KLHDC2: variants seen among roughly 807,000 people sequenced by gnomAD.
KLHDC2 encodes the protein kelch domain containing 2.
Under a neutral mutation model 62.3 loss-of-function variants are expected in KLHDC2, and 38 were observed. The observed-to-expected ratio is 0.61, with a 90% CI of 0.47 to 0.80. The LOEUF (loss-of-function observed/expected upper bound fraction) is 0.80, where lower values mean the gene tolerates loss of function less well. Among genes scored for constraint, KLHDC2 ranks in the 30% least tolerant of loss-of-function variants. KLHDC2 has a pLI of 0.00. For missense variants in KLHDC2, 430 were observed against 495.3 expected (o/e 0.87, Z 1.25); for synonymous variants, 159 against 161.0 (o/e 0.99, Z 0.09).
chr14:49,778,507 A>T lies in KLHDC2; in HGVS notation c.633+13A>T. 1 of 1,128,358 alleles carries T rather than the reference A, an allele frequency of 8.9e-7. No individual in the cohort carries two copies. Among genetic ancestry groups the T allele is most frequent in the Non-Finnish European group, 1.3e-6 (1 of 788,800 alleles). The allele number at this position is 1,128,358 out of a possible 1,614,324, so 69.9% of individuals were successfully genotyped here. On this transcript the variant is annotated intron_variant, in intron 6 of 12. Transcript: ENST00000298307. ...GCCTATAACTACTGTGAGTTACTAAAGAATAATGAATTGTTAAGGATACTT... is the reference window on the plus strand; with the variant it reads ...GCCTATAACTACTGTGAGTTACTAATGAATAATGAATTGTTAAGGATACTT...
intron 10 of KLHDC2, 52 bp downstream of exon 10, chr14:49,780,827 G>C (rs1216597791): frequency 4.1e-6 from 4 of 977,102 alleles, no homozygotes; most frequent in South Asian, 2.6e-5. Flanking sequence ...AAGAATTGAG[G>C]TTTTGGCTGC....
Position 49,785,273 on chromosome 14 carries a change from T to C in KLHDC2, c.*2320T>C. 6.2e-7 allele frequency: 1 copy of C among 1,614,042 alleles called. No homozygotes were observed. Among genetic ancestry groups the C allele is most frequent in the Non-Finnish European group, 8.5e-7 (1 of 1,179,930 alleles). ...CACATATTGGAATGGCAAACAGTAG[T>C]ACATCTTCAGGATGTGGCTGGCCTG... On this transcript the variant is annotated 3_prime_UTR_variant, in exon 13 of 13. Coordinates refer to ENST00000298307, the MANE Select transcript of KLHDC2 (RefSeq NM_014315.3).
At position 49,785,533 on chromosome 14, in the gene KLHDC2, A is replaced by G. The variant is rs568134260; in HGVS notation, c.*2580A>G. 291 of 481,870 alleles carry G rather than the reference A, an allele frequency of 6.0e-4. 2 individuals are homozygous for G. The South Asian group carries it at 6.2e-3, about 10-fold the overall frequency. The allele number at this position is 481,870 out of a possible 1,614,324, so 29.8% of individuals were successfully genotyped here. ...ATTCTTTACTACTTAATTTTTGCCT[A>G]GCATAATAAGTAATGAGAACAATAA... On this transcript the variant is annotated 3_prime_UTR_variant, in exon 13 of 13. Transcript: ENST00000298307.
At chr14:49,768,842 G>A (rs1889600453) in intron 1 of KLHDC2, 2 of 506,444 alleles carry the variant, frequency 3.9e-6, no homozygotes, top group Non-Finnish European at 6.9e-6. Context: ...CTGCTGTCAT[G>A]TCACCCTGGT....
In KLHDC2 at chr14:49,783,307, T is replaced by C. The variant is rs1890001392; in HGVS notation, c.*354T>C. The stretch of plus-strand genomic sequence containing the variant: ...TTGAAAACATTATAGATTTTTTTTT[T>C]TTTAATGGCAAGAGTAGTCTATAGT... On this transcript the variant is annotated 3_prime_UTR_variant, in exon 13 of 13. Coordinates refer to ENST00000298307, the MANE Select transcript of KLHDC2 (RefSeq NM_014315.3). The C allele has an allele frequency of 1.3e-5, 2 of 158,908 alleles. 1 individual carries two copies. The highest frequency in any genetic ancestry group is 3.7e-4 in the East Asian group (2 of 5,476). The allele number at this position is 158,908 out of a possible 1,614,324, so 9.8% of individuals were successfully genotyped here.
In KLHDC2 at chr14:49,782,884, C is replaced by A. The variant is rs148198716; in HGVS notation, c.1152C>A (p.Asn384Lys). The change falls in exon 13 of 13, where the codon AAC becomes AAA. Residue 384 changes from asparagine (N) to lysine (K), a missense_variant. Transcript: ENST00000298307. ...AAGAAATGTTAGCCAACTCATGGAACTGCCTTCCAAAACACTTACTTCACA... is the reference window on the plus strand; with the variant it reads ...AAGAAATGTTAGCCAACTCATGGAAATGCCTTCCAAAACACTTACTTCACA... ...CFKEMLANSW[N>K]CLPKHLLHSV... 3.6e-5 allele frequency: 58 copies of A among 1,613,534 alleles called. No homozygotes were observed. Among genetic ancestry groups the A allele is most frequent in the Non-Finnish European group, 4.6e-5 (54 of 1,179,630 alleles).
At chr14:49,770,937 T>G (rs1160864292) in intron 1 of KLHDC2, among the ~76,000 whole-genome samples, 1 of 152,226 alleles carries the variant, frequency 6.6e-6, no homozygotes, top group East Asian at 1.9e-4. Context: ...CGTGTTAGCG[T>G]GGATCAGGCA....
At chr14:49,777,546 T>C (rs1889797783) in intron 3 of KLHDC2, among the ~76,000 whole-genome samples, 1 of 143,438 alleles carries the variant, frequency 7.0e-6, no homozygotes. Flanking sequence ...TAATCTATGA[T>C]TGTGCCACTG....
Position 49,768,612 on chromosome 14 carries a change from C to A in KLHDC2, c.144C>A (p.Gly48=), listed in dbSNP as rs771124386. The A allele has an allele frequency of 6.3e-6, 10 of 1,594,792 alleles. No homozygotes were observed. The highest frequency in any genetic ancestry group is 8.5e-6 in the Non-Finnish European group (10 of 1,171,986). ...VSDGRHMFVW[G]GYKSNQVRGL... ...ACGGGCGCCACATGTTCGTCTGGGG[C>A]GGCTACAAGGTCAGTGAGTGGCCGG... is the stretch of plus-strand genomic sequence containing the variant. Residue 48 remains glycine (G), a synonymous_variant, in exon 1 of 13, where the codon GGC becomes GGA. Coordinates refer to ENST00000298307, the MANE Select transcript of KLHDC2 (RefSeq NM_014315.3).
At chr14:49,770,174 C>T (rs1300554256) in intron 1 of KLHDC2, among the ~76,000 whole-genome samples, 1 of 152,052 alleles carries the variant, frequency 6.6e-6, no homozygotes, top group African/African-American at 2.4e-5. Context: ...TTAAAAGGGC[C>T]TGGATGATTG....
At position 49,782,137 on chromosome 14, in the gene KLHDC2, A is replaced by G. The variant is rs551915839; in HGVS notation, c.957-233A>G. 369 of 491,730 alleles carry G rather than the reference A, an allele frequency of 7.5e-4. 5 individuals carry two copies. In the South Asian group the frequency reaches 0.011, roughly 15 times the overall value. 30.5% of individuals were successfully genotyped at this position (491,730 alleles called of 1,614,324 possible). A position where few individuals can be genotyped will look rare whatever the true frequency, so the allele number is the denominator to read the frequency against. On this transcript the variant is annotated intron_variant, in intron 10 of 12. Transcript: ENST00000298307. ...CCTAGAGAACAGATCGTTCAGTTCA[A>G]ACTCCTCATTGCATAAATGAGAACG...
rs1432321410 is a variant in KLHDC2, at chr14:49,784,433, CT to C, written c.*1484del. 12 of 468,988 alleles carry C rather than the reference CT, an allele frequency of 2.6e-5. No individual in the cohort carries two copies. The highest frequency in any genetic ancestry group is 3.8e-5 in the Non-Finnish European group (10 of 264,934). 29.1% of individuals were successfully genotyped at this position (468,988 alleles called of 1,614,324 possible). On this transcript the variant is annotated 3_prime_UTR_variant, in exon 13 of 13. Coordinates refer to ENST00000298307, the MANE Select transcript of KLHDC2 (RefSeq NM_014315.3). Reference sequence around the variant, plus strand: ...ATTAGCATTTAACTGTCCACAAATACTTTTGGAAATCCTATCATAGACAGTG... The same window carrying C: ...ATTAGCATTTAACTGTCCACAAATACTTTGGAAATCCTATCATAGACAGTG...
intron 3 of KLHDC2, among the ~76,000 whole-genome samples, chr14:49,775,320 C>T (rs867241211): frequency 1.6e-4 from 24 of 152,296 alleles, no homozygotes; most frequent in African/African-American, 4.1e-4. Context: ...ATGTGCTGAG[C>T]ACTTGGCTGG....
intron 2 of KLHDC2, among the ~76,000 whole-genome samples, chr14:49,771,892 G>A (rs764237855): frequency 1.1e-4 from 16 of 152,142 alleles, no homozygotes; most frequent in Non-Finnish European, 2.2e-4. Context: ...TTGGGAGTCC[G>A]AGGTGGGAGA....
chr14:49,785,065 A>G lies in KLHDC2; in HGVS notation c.*2112A>G, dbSNP rs1230953792. On this transcript the variant is annotated 3_prime_UTR_variant, in exon 13 of 13. Coordinates refer to ENST00000298307, the MANE Select transcript of KLHDC2 (RefSeq NM_014315.3). Reference sequence around the variant, plus strand: ...TTAAGTCACTGAACTGTTTAAAATCATAATTCAAAAAAACAAATTTAAATA... The same window carrying G: ...TTAAGTCACTGAACTGTTTAAAATCGTAATTCAAAAAAACAAATTTAAATA... 4.4e-6 allele frequency: 7 copies of G among 1,607,804 alleles called. No homozygotes were observed. The highest frequency in any genetic ancestry group is 6.0e-6 in the Non-Finnish European group (7 of 1,174,746).
rs1370125446 is a variant in KLHDC2, at chr14:49,784,097, ATAAC to A, written c.*1147_*1150del. 6 of 151,392 alleles carry A rather than the reference ATAAC, an allele frequency of 4.0e-5. No homozygotes were observed. The South Asian group carries it at 6.3e-4, about 16-fold the overall frequency. 9.4% of individuals were successfully genotyped at this position (151,392 alleles called of 1,614,324 possible). On this transcript the variant is annotated 3_prime_UTR_variant, in exon 13 of 13. Transcript: ENST00000298307. ...CTCCCAAATTTCAAGAAAATGTAGA[ATAAC>A]TACAGATGTATATAATTAGCATTTA...
intron 3 of KLHDC2, 56 bp from the exon 4 acceptor site, chr14:49,777,783 T>A (rs1889803752): frequency 2.1e-6 from 2 of 931,442 alleles, no homozygotes; most frequent in Non-Finnish European, 3.3e-6. Flanking sequence ...AATTAAATGC[T>A]AAACTTGAAT....
intron 9 of KLHDC2, 41 bp from the exon 10 acceptor site, chr14:49,780,662 T>C: frequency 1.6e-6 from 2 of 1,258,550 alleles, no homozygotes; most frequent in African/African-American, 2.9e-5. Context: ...GTCAATGTCA[T>C]ATTGACAGAC....
At position 49,784,769 on chromosome 14, in the gene KLHDC2, T is replaced by C; in HGVS notation, c.*1816T>C. On this transcript the variant is annotated 3_prime_UTR_variant, in exon 13 of 13. Coordinates refer to ENST00000298307, the MANE Select transcript of KLHDC2 (RefSeq NM_014315.3). Reference sequence around the variant, plus strand: ...CATCCTGTATGGTCAATCATGTTTCTTTTATGACAAAAACGAAAAACATTT... The same window carrying C: ...CATCCTGTATGGTCAATCATGTTTCCTTTATGACAAAAACGAAAAACATTT... The C allele has an allele frequency of 1.3e-6, 2 of 1,514,020 alleles. No individual in the cohort carries two copies. Among genetic ancestry groups the C allele is most frequent in the Non-Finnish European group, 1.8e-6 (2 of 1,099,962 alleles). The allele number at this position is 1,514,020 out of a possible 1,614,324, so 93.8% of individuals were successfully genotyped here. A position where few individuals can be genotyped will look rare whatever the true frequency, so the allele number is the denominator to read the frequency against.
Sources: gnomAD v4.1 joint callset for allele counts (sites outside exome capture counted in the v4.1 genomes callset) on GRCh38, gnomAD v4.1.1 for gene constraint, MANE v1.5 for transcripts, NCBI Gene and HGNC (gene_info 2026-07-23, HGNC 2026-07-21) for gene names.